Variants in PDE4B observed in about 807,000 individuals in gnomAD.
PDE4B encodes phosphodiesterase 4B.
Under a neutral mutation model 82.2 loss-of-function variants are expected in PDE4B, and 20 were observed. The ratio of observed to expected loss-of-function variants is 0.24; its 90% CI spans 0.17 to 0.35. The LOEUF is 0.35. Among genes scored for constraint, PDE4B ranks in the 10% least tolerant of loss-of-function variants. PDE4B has a pLI of 1.00. For synonymous variants in PDE4B, 320 were observed against 318.9 expected (o/e 1.00, Z -0.04); for missense variants, 655 against 907.2 (o/e 0.72, Z 3.57).
chr1:66,213,815 T>C (rs1489338773), intron 3 of PDE4B, among the ~76,000 whole-genome samples: 2 of 152,190 alleles, frequency 1.3e-5, no homozygotes, highest in African/African-American at 4.8e-5. Context: ...ATGCAGTTTT[T>C]CATCACATTG....
chr1:65,952,551 T>A (rs1227218485), intron 3 of PDE4B, among the ~76,000 whole-genome samples: 1 of 151,780 alleles, frequency 6.6e-6, no homozygotes, highest in East Asian at 1.9e-4. Context: ...GGCATGGTGG[T>A]GTGTGCCTGT....
In PDE4B at chr1:66,307,386, A is replaced by G. The variant is rs545679036; in HGVS notation, c.635-25122A>G. On this transcript the variant is annotated intron_variant, in intron 7 of 16. Transcript: ENST00000341517. Reference sequence around the variant, plus strand: ...AATTGGTGAGGTCCTGCAAGAAACTAGAGGAGACAGAGGAGCAGGAACCAG... The same window carrying G: ...AATTGGTGAGGTCCTGCAAGAAACTGGAGGAGACAGAGGAGCAGGAACCAG... Among the ~76,000 whole-genome samples the G allele has an allele frequency of 3.3e-5, 5 of 152,218 alleles. No individual in the cohort carries two copies. The South Asian group carries it at 8.3e-4, about 25-fold the overall frequency.
chr1:66,320,556 T>A (rs891478299), intron 7 of PDE4B, among the ~76,000 whole-genome samples: 17 of 152,216 alleles, frequency 1.1e-4, no homozygotes, highest in African/African-American at 3.9e-4. Context: ...GTGTCTTTGA[T>A]ACTGTTCAGT....
intron 3 of PDE4B, among the ~76,000 whole-genome samples, chr1:66,067,045 C>A (rs6588185): frequency 0.22 from 32,852 of 151,816 alleles, 4,082 homozygotes; most frequent in Middle Eastern, 0.36. Flanking sequence ...AGCTAAGAAA[C>A]CTATAAGACA....
At chr1:66,087,093 A>G (rs1023179080) in intron 3 of PDE4B, among the ~76,000 whole-genome samples, 1 of 152,134 alleles carries the variant, frequency 6.6e-6, no homozygotes, top group African/African-American at 2.4e-5. Context: ...CACGTATTGC[A>G]AAAGATAAAG....
intron 4 of PDE4B, among the ~76,000 whole-genome samples, chr1:66,253,195 G>T (rs1480410013): frequency 6.6e-6 from 1 of 152,198 alleles, no homozygotes; most frequent in Non-Finnish European, 1.5e-5. Flanking sequence ...TAATGCAGCT[G>T]AGAAACAAAC....
At chr1:66,300,052 A>T (rs1042312342) in intron 7 of PDE4B, among the ~76,000 whole-genome samples, 1 of 152,224 alleles carries the variant, frequency 6.6e-6, no homozygotes, top group Non-Finnish European at 1.5e-5. Context: ...AAACACAGAC[A>T]TCTAGGGGAA....
At chr1:66,266,317 A>G (rs1655035346) in intron 7 of PDE4B, among the ~76,000 whole-genome samples, 1 of 152,248 alleles carries the variant, frequency 6.6e-6, no homozygotes, top group Non-Finnish European at 1.5e-5. Flanking sequence ...GGCTTTCAGA[A>G]TATGATAAAC....
intron 3 of PDE4B, among the ~76,000 whole-genome samples, chr1:66,084,420 G>A (rs1463884): frequency 0.74 from 112,783 of 152,048 alleles, 42,907 homozygotes; most frequent in Non-Finnish European, 0.84. Context: ...GAGTAAAGTC[G>A]TGAACACCCT....
intron 1 of PDE4B, among the ~76,000 whole-genome samples, chr1:65,823,658 C>G (rs1399902140): frequency 1.3e-5 from 2 of 152,174 alleles, no homozygotes; most frequent in East Asian, 1.9e-4. Context: ...GACTGATCAT[C>G]TAACTCCCTT....
intron 1 of PDE4B, among the ~76,000 whole-genome samples, chr1:65,854,148 C>T (rs1374532343): frequency 6.6e-6 from 1 of 151,778 alleles, no homozygotes; most frequent in Admixed American, 6.6e-5. Context: ...TATACTTCTA[C>T]CTGTCCTCTC....
chr1:65,836,475 C>T (rs561256548), intron 1 of PDE4B, among the ~76,000 whole-genome samples: 18 of 152,142 alleles, frequency 1.2e-4, no homozygotes, highest in Non-Finnish European at 2.4e-4. Flanking sequence ...AATTCTTCTG[C>T]GAGGCTGTTA....
chr1:65,794,613 A>T (rs1645610880), intron 1 of PDE4B, among the ~76,000 whole-genome samples: 1 of 152,178 alleles, frequency 6.6e-6, no homozygotes, highest in African/African-American at 2.4e-5. Context: ...AATCCCCTTA[A>T]TGTCAATAAA....
At chr1:66,055,856 G>A (rs984898121) in intron 3 of PDE4B, among the ~76,000 whole-genome samples, 4 of 152,120 alleles carry the variant, frequency 2.6e-5, no homozygotes, top group African/African-American at 9.7e-5. Flanking sequence ...GTTAGATTGA[G>A]GTAGACAGAG....
intron 3 of PDE4B, among the ~76,000 whole-genome samples, chr1:66,231,082 C>T (rs144331473): frequency 3.1e-4 from 46 of 148,672 alleles, no homozygotes; most frequent in South Asian, 2.2e-3. Flanking sequence ...GCATGGCAAA[C>T]GAAATGAATA....
At chr1:66,074,396 T>C (rs370871215) in intron 3 of PDE4B, among the ~76,000 whole-genome samples, 1 of 152,120 alleles carries the variant, frequency 6.6e-6, no homozygotes, top group Admixed American at 6.6e-5. Flanking sequence ...ACGGAGATAC[T>C]TGGACAAAAG....
At chr1:65,937,022 A>G (rs1184349410) in intron 3 of PDE4B, among the ~76,000 whole-genome samples, 1 of 152,214 alleles carries the variant, frequency 6.6e-6, no homozygotes, top group Non-Finnish European at 1.5e-5. Flanking sequence ...TAAAGAAGGC[A>G]GGAGTCTTCT....
At chr1:66,089,183 T>C (rs1012804377) in intron 3 of PDE4B, among the ~76,000 whole-genome samples, 1 of 152,106 alleles carries the variant, frequency 6.6e-6, no homozygotes, top group African/African-American at 2.4e-5. Flanking sequence ...TCTTCATTTT[T>C]GGAAATAATT....
intron 3 of PDE4B, among the ~76,000 whole-genome samples, chr1:66,080,640 A>G (rs1656674135): frequency 6.6e-6 from 1 of 152,164 alleles, no homozygotes; most frequent in Non-Finnish European, 1.5e-5. Context: ...CCCATCTTAG[A>G]GGCAACATCA....
Sources: allele counts gnomAD v4.1 joint callset (sites outside exome capture counted in the v4.1 genomes callset), GRCh38; gene constraint gnomAD v4.1.1; transcripts MANE v1.5; gene names NCBI Gene and HGNC (gene_info 2026-07-23, HGNC 2026-07-21).